CSMD1: variants seen among roughly 807,000 people sequenced by gnomAD.
CSMD1 encodes CUB and sushi domain-containing protein 1.
Under a neutral mutation model 417.5 loss-of-function variants are expected in CSMD1, and 213 were observed. The ratio of observed to expected loss-of-function variants is 0.51; its 90% CI spans 0.46 to 0.57. The LOEUF is 0.57. Ranked by LOEUF, CSMD1 falls within the 20% of genes least tolerant of loss-of-function variation. The probability of loss-of-function intolerance (pLI) is 0.00; values close to 1 mark genes in which losing one functional copy is unlikely to be tolerated. For synonymous variants in CSMD1, 2,862 were observed against 1,736.8 expected, an observed-to-expected ratio of 1.65 and a Z score of -16.11; for missense variants, 6,923 against 4,529.7, an observed-to-expected ratio of 1.53 and a Z score of -15.17.
Position 3,142,548 on chromosome 8 carries a change from A to C in CSMD1, c.6158T>G (p.Leu2053Arg). The C allele has an allele frequency of 6.2e-7, 1 of 1,614,020 alleles. No homozygotes were observed. The highest frequency in any genetic ancestry group is 2.2e-5 in the East Asian group (1 of 44,882). Residue 2053 changes from leucine to arginine, a missense_variant, in exon 41 of 70, where the codon CTG (leucine) becomes CGG (arginine). Transcript: ENST00000635120. Reference protein sequence around the residue: ...QFSGTDLPAALLSTTHETLIH... With the variant: ...QFSGTDLPAARLSTTHETLIH... ...GAGGGTTTCATGCGTTGTGCTCAGC[A>C]GGGCCGCGGGGAGATCCGTGCCGCT...
At chr8:4,071,102 G>A (rs1290624603) in intron 3 of CSMD1, among the ~76,000 whole-genome samples, 1 of 152,108 alleles carries the variant, frequency 6.6e-6, no homozygotes, top group Non-Finnish European at 1.5e-5. Context: ...TCAGTTTACA[G>A]AGACTCTTGA....
At chr8:3,613,064 A>G (rs574762631) in intron 8 of CSMD1, among the ~76,000 whole-genome samples, 5 of 152,050 alleles carry the variant, frequency 3.3e-5, no homozygotes, top group Non-Finnish European at 7.4e-5. Flanking sequence ...TTTTTTAAAA[A>G]TATGAATATC....
rs58055126 is a variant in CSMD1, at chr8:4,640,862, T to TA, written c.86-3305dup. 8.8e-3 allele frequency among the ~76,000 whole-genome samples: 1,137 copies of TA among 129,694 alleles called. 5 individuals carry two copies. The highest frequency in any genetic ancestry group is 0.012 in the Non-Finnish European group (691 of 59,446). The allele number at this position is 129,694 out of a possible 152,430, so 85.1% of individuals were successfully genotyped here. On this transcript the variant is annotated intron_variant, in intron 1 of 69. Transcript: ENST00000635120. Reference sequence around the variant, plus strand: ...CAGGGATTGAAACCTTAATTATTGCTAAAAAAAAAAAAAAAAAAGTCTAAT... The same window carrying TA: ...CAGGGATTGAAACCTTAATTATTGCTAAAAAAAAAAAAAAAAAAAGTCTAAT...
intron 37 of CSMD1, among the ~76,000 whole-genome samples, chr8:3,166,102 A>T (rs559758059): frequency 1.6e-4 from 25 of 152,336 alleles, no homozygotes; most frequent in Admixed American, 1.3e-3. Context: ...GTTTGGTAAT[A>T]AATATGAACT....
chr8:3,593,793 T>C (rs953981115), intron 8 of CSMD1, among the ~76,000 whole-genome samples: 1 of 152,182 alleles, frequency 6.6e-6, no homozygotes, highest in Admixed American at 6.5e-5. Flanking sequence ...TTATTATATA[T>C]GGGTCATTCT....
chr8:3,891,363 G>T (rs1170052283), intron 5 of CSMD1, among the ~76,000 whole-genome samples: 1 of 151,992 alleles, frequency 6.6e-6, no homozygotes, highest in Non-Finnish European at 1.5e-5. Context: ...GCAGGTTCTT[G>T]AAATTAGGTC....
At chr8:3,482,915 A>T (rs1380780740) in intron 11 of CSMD1, among the ~76,000 whole-genome samples, 1 of 152,218 alleles carries the variant, frequency 6.6e-6, no homozygotes, top group Non-Finnish European at 1.5e-5. Context: ...TGAAATAAAG[A>T]AATACATAGA....
intron 3 of CSMD1, among the ~76,000 whole-genome samples, chr8:4,218,690 T>G (rs1176839231): frequency 6.6e-6 from 1 of 152,204 alleles, no homozygotes; most frequent in Non-Finnish European, 1.5e-5. Flanking sequence ...TGGATACATC[T>G]CTTCAAATAG....
At chr8:3,554,943 G>C (rs975949177) in intron 10 of CSMD1, among the ~76,000 whole-genome samples, 3 of 151,996 alleles carry the variant, frequency 2.0e-5, no homozygotes, top group Non-Finnish European at 2.9e-5. Context: ...AGTGGGTCAG[G>C]GGTGTTAAAG....
intron 3 of CSMD1, among the ~76,000 whole-genome samples, chr8:4,192,161 G>A (rs960193731): frequency 6.6e-6 from 1 of 152,092 alleles, no homozygotes; most frequent in African/African-American, 2.4e-5. Context: ...GCACCAATAG[G>A]CATGTTATAA....
chr8:2,971,298 C>G lies in CSMD1; in HGVS notation c.8923+1819G>C, dbSNP rs113830600. On this transcript the variant is annotated intron_variant, in intron 57 of 69. Coordinates refer to ENST00000635120, the MANE Select transcript of CSMD1 (RefSeq NM_033225.6). Reference sequence around the variant, plus strand: ...TCTCGGTAACGCCTCTCATAACTCTCTTTTGCTCAGTGTAGGACCCAATCC... The same window carrying G: ...TCTCGGTAACGCCTCTCATAACTCTGTTTTGCTCAGTGTAGGACCCAATCC... 1.2e-3 allele frequency among the ~76,000 whole-genome samples: 178 copies of G among 152,242 alleles called. 1 individual carries two copies. Among genetic ancestry groups the G allele is most frequent in the African/African-American group, 4.2e-3 (175 of 41,558 alleles).
chr8:3,742,088 C>G (rs148870128), intron 6 of CSMD1, among the ~76,000 whole-genome samples: 3 of 152,082 alleles, frequency 2.0e-5, no homozygotes, highest in Non-Finnish European at 4.4e-5. Context: ...CCTGGTGCAC[C>G]TGGCTCTGCT....
At chr8:2,947,908 G>T (rs1317882842) in intron 68 of CSMD1, among the ~76,000 whole-genome samples, 1 of 149,920 alleles carries the variant, frequency 6.7e-6, no homozygotes, top group Non-Finnish European at 1.5e-5. Context: ...TGGAAGTAAA[G>T]TATTTTATGA....
intron 2 of CSMD1, among the ~76,000 whole-genome samples, chr8:4,438,112 C>A (rs1798251337): frequency 1.3e-5 from 2 of 152,154 alleles, no homozygotes; most frequent in Admixed American, 6.5e-5. Context: ...GTTTCTAGCA[C>A]ACTACGCTGC....
intron 23 of CSMD1, among the ~76,000 whole-genome samples, chr8:3,335,878 G>A (rs1807229989): frequency 6.6e-6 from 1 of 152,136 alleles, no homozygotes; most frequent in South Asian, 2.1e-4. Context: ...ATGGATGGAA[G>A]TTCAAAGAGC....
intron 7 of CSMD1, among the ~76,000 whole-genome samples, chr8:3,695,475 C>A (rs926769217): frequency 3.9e-5 from 6 of 152,106 alleles, no homozygotes; most frequent in African/African-American, 2.4e-5. Flanking sequence ...AAATACAAAT[C>A]TGGCTTTACC....
intron 54 of CSMD1, among the ~76,000 whole-genome samples, chr8:2,985,199 C>T (rs1424586735): frequency 6.6e-6 from 1 of 152,116 alleles, no homozygotes; most frequent in Non-Finnish European, 1.5e-5. Flanking sequence ...TGGAAATATA[C>T]CATGTTCAAA....
intron 12 of CSMD1, among the ~76,000 whole-genome samples, chr8:3,454,367 G>C (rs1488255290): frequency 6.6e-6 from 1 of 152,152 alleles, no homozygotes; most frequent in Admixed American, 6.5e-5. Flanking sequence ...GATGTTAGCT[G>C]GTTATTTTGC....
rs192934938 is a variant in CSMD1, at chr8:3,323,719, A to C, written c.3632-15216T>G. Among the ~76,000 whole-genome samples, 923 of 151,966 alleles carry C rather than the reference A, an allele frequency of 6.1e-3. 4 individuals are homozygous for C. Among genetic ancestry groups the C allele is most frequent in the Non-Finnish European group, 9.8e-3 (668 of 67,966 alleles). On this transcript the variant is annotated intron_variant, in intron 23 of 69. Coordinates refer to ENST00000635120, the MANE Select transcript of CSMD1 (RefSeq NM_033225.6). ...TAGCAGAGCCAAGAGGCCCACATCC[A>C]ACCCCAGAGACCCAGGAGGGAATTT...
Sources: allele counts gnomAD v4.1 joint callset (sites outside exome capture counted in the v4.1 genomes callset), GRCh38; gene constraint gnomAD v4.1.1; transcripts MANE v1.5; gene names NCBI Gene and HGNC (gene_info 2026-07-23, HGNC 2026-07-21).